Variants in IWS1 observed in about 807,000 individuals in gnomAD.
IWS1 encodes interacts with SUPT6H, CTD assembly factor 1.
A neutral mutation model predicts 86.7 loss-of-function variants in IWS1; 27 were observed. That is an observed-to-expected ratio of 0.31 (90% CI 0.23 to 0.43). IWS1 has a LOEUF of 0.43. IWS1 is among the 20% of genes least tolerant of loss of function. IWS1 has a pLI of 1.00. For synonymous variants in IWS1, 313 were observed against 335.1 expected (o/e 0.93, Z 0.72); for missense variants, 827 against 1,000.8 (o/e 0.83, Z 2.34).
chr2:127,491,600 T>C (rs149658288), intron 10 of IWS1, among the ~76,000 whole-genome samples: 1 of 152,194 alleles, frequency 6.6e-6, no homozygotes, highest in Non-Finnish European at 1.5e-5. Flanking sequence ...TATACCACCA[T>C]GCCCGGCTAA....
intron 3 of IWS1, among the ~76,000 whole-genome samples, chr2:127,504,391 C>T (rs949321621): frequency 1.3e-5 from 2 of 151,598 alleles, no homozygotes; most frequent in African/African-American, 4.9e-5. Flanking sequence ...TTCTTTGAAA[C>T]ATTACCTCTT....
At chr2:127,482,411 G>A (rs576230567) in intron 13 of IWS1, 26 of 152,248 alleles carry the variant, frequency 1.7e-4, no homozygotes, top group Non-Finnish European at 2.2e-4. Flanking sequence ...CTTGGCATTC[G>A]TACTCTGAGT....
chr2:127,501,375 C>T (rs1690796289), intron 5 of IWS1, among the ~76,000 whole-genome samples: 1 of 151,906 alleles, frequency 6.6e-6, no homozygotes, highest in Non-Finnish European at 1.5e-5. Flanking sequence ...TTCCTATTTT[C>T]GTTGGTTTCT....
In IWS1 at chr2:127,505,357, G is replaced by A; in HGVS notation, c.546C>T (p.Ile182=). ...SETEDALKPQ[I]SDSESEEPPR... is the part of the protein sequence containing the mutation. ...GGGGTTCCTCACTCTCAGAGTCACTGATTTGAGGTTTTAGAGCATCTTCTG... is the reference window on the plus strand; with the variant it reads ...GGGGTTCCTCACTCTCAGAGTCACTAATTTGAGGTTTTAGAGCATCTTCTG... The change falls in exon 3 of 14, where the codon ATC becomes ATT. Residue 182 remains isoleucine (I), a synonymous_variant. Coordinates refer to ENST00000295321, the MANE Select transcript of IWS1 (RefSeq NM_017969.3). This position sits in a 1 kb window ranked among gnomAD's most constrained non-coding sequence, Gnocchi z 5.0. 1 of 1,614,018 alleles carries A rather than the reference G, an allele frequency of 6.2e-7. No homozygotes were observed. The highest frequency in any genetic ancestry group is 8.5e-7 in the Non-Finnish European group (1 of 1,180,000).
At chr2:127,523,174 T>C (rs1692197586) in intron 2 of IWS1, among the ~76,000 whole-genome samples, 1 of 152,150 alleles carries the variant, frequency 6.6e-6, no homozygotes, top group African/African-American at 2.4e-5. Context: ...CTCACCACTG[T>C]ACTCCAGCCT....
intron 13 of IWS1, among the ~76,000 whole-genome samples, chr2:127,483,631 CGTGTGTGT>C (rs374712537): frequency 0.14 from 5,524 of 39,610 alleles, 937 homozygotes; most frequent in Middle Eastern, 0.24. Flanking sequence ...TGTGCGTGTG[CGTGTGTGT>C]GTGTGTGTGT....
intron 13 of IWS1, among the ~76,000 whole-genome samples, chr2:127,483,645 TG>T (rs1689779591): frequency 1.5e-5 from 2 of 135,920 alleles, no homozygotes; most frequent in Non-Finnish European, 3.2e-5. Flanking sequence ...TGTGTGTGTG[TG>T]TGTTTTCTAG....
chr2:127,486,700 T>C (rs1573502274), intron 12 of IWS1, 36 bp from the exon 13 acceptor site: 4 of 1,538,598 alleles, frequency 2.6e-6, no homozygotes, highest in Non-Finnish European at 9.0e-7. Context: ...GCTTCTTATG[T>C]GGCCAGCCAC....
Position 127,483,583 on chromosome 2 carries a change from T to TGGGGGGGG in IWS1, c.2329-2409_2329-2408insCCCCCCCC, listed in dbSNP as rs1407597392. ...ATTATAATTTGGTCGGGGCGGGGGG[T>TGGGGGGGG]GGTGGGGTGGGGGGGTTGGGCTGTG... On this transcript the variant is annotated intron_variant, in intron 13 of 13. Transcript: ENST00000295321. Among the ~76,000 whole-genome samples the TGGGGGGGG allele has an allele frequency of 2.9e-4, 6 of 20,616 alleles. 1 individual carries two copies. The highest frequency in any genetic ancestry group is 9.3e-4 in the African/African-American group (5 of 5,352). 13.5% of individuals were successfully genotyped at this position (20,616 alleles called of 152,430 possible).
chr2:127,493,800 CA>C (rs1690361288), intron 8 of IWS1, among the ~76,000 whole-genome samples: 2 of 131,932 alleles, frequency 1.5e-5, no homozygotes, highest in South Asian at 4.7e-4. Flanking sequence ...CTCTTCTCTG[CA>C]GGACACCAAT....
Position 127,489,161 on chromosome 2 carries a change from T to C in IWS1, c.2216+18A>G. The C allele has an allele frequency of 1.3e-6, 2 of 1,590,136 alleles. No homozygotes were observed. Among genetic ancestry groups the C allele is most frequent in the Middle Eastern group, 1.7e-4 (1 of 6,004 alleles). Reference sequence around the variant, plus strand: ...TCTCTATATAGTCTAGGAAGAAAAATTAACATTAAAACCTTACTTCTCCTC... The same window carrying C: ...TCTCTATATAGTCTAGGAAGAAAAACTAACATTAAAACCTTACTTCTCCTC... On this transcript the variant is annotated intron_variant, in intron 12 of 13. Coordinates refer to ENST00000295321, the MANE Select transcript of IWS1 (RefSeq NM_017969.3). The surrounding 1 kb of genome is among the most constrained non-coding windows in gnomAD (Gnocchi z 4.8).
intron 3 of IWS1, among the ~76,000 whole-genome samples, chr2:127,503,860 C>T (rs775347865): frequency 6.6e-6 from 1 of 152,082 alleles, no homozygotes; most frequent in African/African-American, 2.4e-5. Flanking sequence ...AAGCAGCCAC[C>T]TTTCCTTTTG....
At chr2:127,512,698 C>T (rs1458624885) in intron 2 of IWS1, among the ~76,000 whole-genome samples, 2 of 152,206 alleles carry the variant, frequency 1.3e-5, no homozygotes. Context: ...GGCTACTAAG[C>T]CCATCCTCCC....
intron 13 of IWS1, among the ~76,000 whole-genome samples, chr2:127,481,830 C>A (rs556721183): frequency 2.5e-4 from 38 of 149,922 alleles, no homozygotes; most frequent in Non-Finnish European, 5.4e-4. Flanking sequence ...AGGCTGAGCA[C>A]ATATAGTCAG....
upstream of IWS1, chr2:127,526,577 A>T: frequency 7.2e-7 from 1 of 1,386,280 alleles, no homozygotes; most frequent in South Asian, 1.2e-5. Flanking sequence ...GACGCCAGGC[A>T]CGGCCGGAAA....
rs1181992094 is a variant in IWS1 at position 127,505,310 on chromosome 2, G to A, written c.593C>T (p.Ser198Phe). The A allele has an allele frequency of 1.9e-6, 3 of 1,613,860 alleles. No individual in the cohort carries two copies. The highest frequency in any genetic ancestry group is 2.2e-5 in the East Asian group (1 of 44,830). ...AGGTTTGGGAGGCTCCTCATTTTCG[G>A]AGTCACTGGCTTGGTGCCTTGGGGG... is the stretch of plus-strand genomic sequence containing the variant. ...EEPPRHQASD[S>F]ENEEPPKPRM... Residue 198 changes from serine (S) to phenylalanine (F), a missense_variant, in exon 3 of 14, where the codon TCC (serine) becomes TTC (phenylalanine). Physicochemically the swap from Ser to Phe is radical, Grantham distance 155. This residue lies in a region of IWS1 where 548 missense variants were observed against 560.2 expected (regional missense o/e 0.98). Transcript: ENST00000295321. This position sits in a 1 kb window ranked among gnomAD's most constrained non-coding sequence, Gnocchi z 5.0.
At chr2:127,524,374 AG>A (rs1447902256) in intron 1 of IWS1, among the ~76,000 whole-genome samples, 10 of 152,286 alleles carry the variant, frequency 6.6e-5, no homozygotes, top group African/African-American at 2.4e-4. Flanking sequence ...ATATTTTTGT[AG>A]AGATGGGGTC....
At chr2:127,523,243 T>C (rs954232172) in intron 2 of IWS1, among the ~76,000 whole-genome samples, 10 of 152,116 alleles carry the variant, frequency 6.6e-5, no homozygotes, top group African/African-American at 2.4e-4. Flanking sequence ...ATACATTATA[T>C]ACACCGTAAC....
upstream of IWS1, chr2:127,526,665 C>T: frequency 7.6e-7 from 1 of 1,318,570 alleles, no homozygotes; most frequent in Non-Finnish European, 1.0e-6. Context: ...GTCTGACCCC[C>T]GTGGTAATAA....
Sources: allele counts gnomAD v4.1 joint callset (sites outside exome capture counted in the v4.1 genomes callset), GRCh38; gene constraint gnomAD v4.1.1; regional missense constraint gnomAD v4.1.1; non-coding constraint Gnocchi (gnomAD v3.1); transcripts MANE v1.5; gene names NCBI Gene and HGNC (gene_info 2026-07-23, HGNC 2026-07-21).